MKLN1: variants seen among roughly 807,000 people sequenced by gnomAD.
The protein encoded by MKLN1 is muskelin.
MKLN1 carries 18 observed loss-of-function variants against 99.0 expected under a neutral mutation model. The ratio of observed to expected loss-of-function variants is 0.18; its 90% CI spans 0.13 to 0.27. MKLN1 has a LOEUF of 0.27. Among genes scored for constraint, MKLN1 ranks in the 10% least tolerant of loss-of-function variants. The pLI, the probability that MKLN1 is intolerant of heterozygous loss-of-function variation, is 1.00. For missense variants in MKLN1, 621 were observed against 875.9 expected (o/e 0.71, Z 3.67); for synonymous variants, 288 against 293.2 (o/e 0.98, Z 0.18).
intron 1 of MKLN1, among the ~76,000 whole-genome samples, chr7:131,341,404 C>G (rs1217172522): frequency 6.6e-6 from 1 of 152,044 alleles, no homozygotes; most frequent in African/African-American, 2.4e-5. Context: ...TATAGATTTG[C>G]CTATTTAAGA....
intron 3 of MKLN1, among the ~76,000 whole-genome samples, chr7:131,278,327 T>A (rs1488657215): frequency 6.6e-6 from 1 of 152,170 alleles, no homozygotes; most frequent in East Asian, 1.9e-4. Flanking sequence ...TATGAGCCAC[T>A]GTGCCTGGCC....
intron 2 of MKLN1, among the ~76,000 whole-genome samples, chr7:131,376,760 G>A (rs947232027): frequency 5.3e-5 from 8 of 151,650 alleles, no homozygotes; most frequent in African/African-American, 1.9e-4. Flanking sequence ...ATCTTTTGAA[G>A]CCTCCTTTGA....
Position 131,197,341 on chromosome 7 carries a change from C to A in MKLN1, c.-296-5516C>A, listed in dbSNP as rs909457738. Among the ~76,000 whole-genome samples, 33 of 151,382 alleles carry A rather than the reference C, an allele frequency of 2.2e-4. 1 individual carries two copies. Among genetic ancestry groups the A allele is most frequent in the African/African-American group, 7.3e-4 (30 of 41,208 alleles). On this transcript the variant is annotated intron_variant, in intron 2 of 7. Transcript: ENST00000416992. Reference sequence around the variant, plus strand: ...ACTTCAGCCCCCTGAATAGCTGGGACTACAAATGCGTGCCACCATGCCCAG... The same window carrying A: ...ACTTCAGCCCCCTGAATAGCTGGGAATACAAATGCGTGCCACCATGCCCAG...
At chr7:131,277,840 T>A (rs1259537982) in intron 3 of MKLN1, among the ~76,000 whole-genome samples, 7 of 152,202 alleles carry the variant, frequency 4.6e-5, no homozygotes, top group Admixed American at 2.0e-4. Flanking sequence ...ACTGATTTGA[T>A]CTTTACAAAT....
chr7:131,454,240 G>A (rs1796269950), intron 12 of MKLN1, among the ~76,000 whole-genome samples: 1 of 152,122 alleles, frequency 6.6e-6, no homozygotes, highest in African/African-American at 2.4e-5. Context: ...AAAATCTGAA[G>A]ACGGATTGAC....
At chr7:131,291,303 G>T (rs866760375) in intron 3 of MKLN1, among the ~76,000 whole-genome samples, 7 of 150,912 alleles carry the variant, frequency 4.6e-5, no homozygotes, top group African/African-American at 1.7e-4. Context: ...GCTAATTTTT[G>T]TATTTTTAGT....
At chr7:131,297,577 C>T (rs1798312154) in intron 3 of MKLN1, among the ~76,000 whole-genome samples, 1 of 151,988 alleles carries the variant, frequency 6.6e-6, no homozygotes, top group African/African-American at 2.4e-5. Context: ...TAGAACCACT[C>T]CCCCGAAGTC....
chr7:131,480,768 T>C lies in MKLN1; in HGVS notation c.2086+2091T>C, dbSNP rs79575233. The stretch of plus-strand genomic sequence containing the variant: ...TGAAACAGATGTACTGATACATGAA[T>C]TGGGGGTCTGGCATATATTCTGTTT... On this transcript the variant is annotated intron_variant, in intron 17 of 17. Coordinates refer to ENST00000352689, the MANE Select transcript of MKLN1 (RefSeq NM_013255.5). 7.3e-3 allele frequency among the ~76,000 whole-genome samples: 1,115 copies of C among 152,318 alleles called. 5 individuals carry two copies. Among genetic ancestry groups the C allele is most frequent in the Non-Finnish European group, 0.012 (829 of 68,016 alleles).
chr7:131,357,715 TTTTTG>T (rs1283125270), intron 1 of MKLN1, among the ~76,000 whole-genome samples: 1 of 152,154 alleles, frequency 6.6e-6, no homozygotes. Context: ...ACTTCCATCA[TTTTTG>T]TTTTGTTTTG....
At chr7:131,194,006 T>TTG (rs886177623) in intron 2 of MKLN1, among the ~76,000 whole-genome samples, 16 of 132,438 alleles carry the variant, frequency 1.2e-4, no homozygotes, top group African/African-American at 2.1e-4. Flanking sequence ...TTGTTTTGTT[T>TTG]TTTTTTTTTT....
At position 131,303,503 on chromosome 7, in the gene MKLN1, G is replaced by T. The variant is rs150697958; in HGVS notation, c.-178-71921G>T. ...TCGTTTTGGCAAGGTTATGCTTGAA[G>T]AAATAATCTCAAACAATGACAAAGT... On this transcript the variant is annotated intron_variant, in intron 3 of 7. Transcript: ENST00000416992. Among the ~76,000 whole-genome samples the T allele has an allele frequency of 3.0e-3, 464 of 152,322 alleles. 4 individuals are homozygous for T. Among genetic ancestry groups the T allele is most frequent in the African/African-American group, 0.01 (425 of 41,582 alleles).
At chr7:131,322,266 C>T (rs539710189) in intron 3 of MKLN1, among the ~76,000 whole-genome samples, 13 of 152,266 alleles carry the variant, frequency 8.5e-5, no homozygotes, top group African/African-American at 2.9e-4. Context: ...ATCTGGAATG[C>T]TGCTTAGCTA....
intron 3 of MKLN1, among the ~76,000 whole-genome samples, chr7:131,212,178 C>A (rs1031480632): frequency 1.9e-4 from 29 of 152,190 alleles, no homozygotes; most frequent in Non-Finnish European, 1.2e-4. Flanking sequence ...ATACTGTATC[C>A]AAAATGTTTC....
intron 12 of MKLN1, among the ~76,000 whole-genome samples, chr7:131,454,741 A>G (rs993849726): frequency 6.6e-6 from 1 of 152,344 alleles, no homozygotes; most frequent in African/African-American, 2.4e-5. Flanking sequence ...ACATAAAGAA[A>G]GTCTACTGGA....
At chr7:131,287,288 G>A (rs1479468061) in intron 3 of MKLN1, among the ~76,000 whole-genome samples, 1 of 152,186 alleles carries the variant, frequency 6.6e-6, no homozygotes, top group African/African-American at 2.4e-5. Flanking sequence ...AACTGGATAG[G>A]TTAAAACAAC....
chr7:131,330,960 A>G (rs979459317), intron 1 of MKLN1, among the ~76,000 whole-genome samples: 3 of 152,112 alleles, frequency 2.0e-5, no homozygotes, highest in Non-Finnish European at 4.4e-5. Context: ...TCTGAAATTT[A>G]CACCTAATTT....
At chr7:131,292,267 G>A (rs892746624) in intron 3 of MKLN1, among the ~76,000 whole-genome samples, 2 of 152,162 alleles carry the variant, frequency 1.3e-5, no homozygotes, top group Admixed American at 6.6e-5. Context: ...TTGGGGAAGG[G>A]AAGAAAGGAG....
chr7:131,161,987 ATATATATATATAT>A, intron 2 of MKLN1, among the ~76,000 whole-genome samples: 1 of 102,832 alleles, frequency 9.7e-6, no homozygotes, highest in African/African-American at 4.4e-5. Context: ...ATATATATAT[ATATATATATATAT>A]GTAACAGAGT....
chr7:131,127,141 G>C (rs948328121), intron 1 of MKLN1, among the ~76,000 whole-genome samples: 2 of 147,744 alleles, frequency 1.4e-5, no homozygotes, highest in African/African-American at 5.0e-5. Flanking sequence ...CTCTAACCTG[G>C]GTGACAAGAG....
Sources: gnomAD v4.1 joint callset for allele counts (sites outside exome capture counted in the v4.1 genomes callset) on GRCh38, gnomAD v4.1.1 for gene constraint, MANE v1.5 for transcripts, NCBI Gene and HGNC (gene_info 2026-07-23, HGNC 2026-07-21) for gene names.